The following TNIP3 variants were observed in gnomAD, a reference collection of about 807,000 sequenced individuals.
TNIP3 encodes TNFAIP3-interacting protein 3.
Under a neutral mutation model 54.1 loss-of-function variants are expected in TNIP3, and 34 were observed. The observed-to-expected ratio is 0.63, with a 90% CI of 0.48 to 0.84. The LOEUF (loss-of-function observed/expected upper bound fraction) is 0.84, where lower values mean the gene tolerates loss of function less well. Among genes scored for constraint, TNIP3 ranks in the 40% least tolerant of loss-of-function variants. The probability of loss-of-function intolerance (pLI) is 0.00; values close to 1 mark genes in which losing one functional copy is unlikely to be tolerated. For missense variants in TNIP3, 366 were observed against 387.6 expected (o/e 0.94, Z 0.47); for synonymous variants, 134 against 136.8 (o/e 0.98, Z 0.14).
intron 6 of TNIP3, 112 bp from the exon 7 acceptor site, chr4:121,147,286 A>G: frequency 3.0e-6 from 4 of 1,313,404 alleles, no homozygotes; most frequent in South Asian, 3.3e-5. Context: ...AACCCTCCCA[A>G]CTAGTGTTCA....
chr4:121,195,669 T>C (rs1014587341), intron 2 of TNIP3, among the ~76,000 whole-genome samples: 8 of 152,228 alleles, frequency 5.3e-5, no homozygotes, highest in South Asian at 2.1e-4. Flanking sequence ...CTTTATATGA[T>C]TGACATAAAA....
intron 7 of TNIP3, among the ~76,000 whole-genome samples, chr4:121,146,817 A>G (rs1250910689): frequency 6.6e-6 from 1 of 152,206 alleles, no homozygotes; most frequent in Non-Finnish European, 1.5e-5. Context: ...ATTTTATTAA[A>G]AAAAACTTTG....
intron 2 of TNIP3, among the ~76,000 whole-genome samples, chr4:121,195,782 T>C (rs1725541925): frequency 6.6e-6 from 1 of 152,224 alleles, no homozygotes; most frequent in Non-Finnish European, 1.5e-5. Flanking sequence ...AGCCTGACTA[T>C]AGCTGGCATT....
chr4:121,162,981 C>A (rs1325697016), intron 1 of TNIP3, among the ~76,000 whole-genome samples: 1 of 152,074 alleles, frequency 6.6e-6, no homozygotes, highest in Non-Finnish European at 1.5e-5. Flanking sequence ...TGTTTGTTTC[C>A]CCATAAACAA....
rs550069001 is a variant in TNIP3, at chr4:121,173,389, G to A, written c.190-9243C>T. ...TTTCCAAAATAGAAATTAGTGGTCA[G>A]AAAAGAGAAATTCAGTCTTTAAAAA... On this transcript the variant is annotated intron_variant, in intron 3 of 12. Coordinates refer to the TNIP3 transcript ENST00000507879. Among the ~76,000 whole-genome samples the A allele has an allele frequency of 9.8e-5, 15 of 152,316 alleles. No individual in the cohort carries two copies. In the East Asian group the frequency reaches 2.9e-3, roughly 29 times the overall value.
chr4:121,146,935 G>A (rs1183422142), intron 7 of TNIP3, 114 bp downstream of exon 7: 5 of 1,219,406 alleles, frequency 4.1e-6, no homozygotes, highest in Middle Eastern at 2.1e-4. Context: ...CCCAGGTGCT[G>A]ACCTTTAAAA....
upstream of TNIP3, among the ~76,000 whole-genome samples, chr4:121,168,234 T>G (rs968026032): frequency 6.6e-6 from 1 of 151,832 alleles, no homozygotes; most frequent in East Asian, 1.9e-4. Context: ...TGAGACAGAG[T>G]CTCGCTCTGT....
intron 3 of TNIP3, among the ~76,000 whole-genome samples, chr4:121,172,807 T>G (rs191368841): frequency 1.2e-3 from 190 of 152,250 alleles, no homozygotes; most frequent in African/African-American, 4.3e-3. Context: ...AACACTGAAG[T>G]GACTGAAATT....
chr4:121,153,715 T>G (rs1213252442), intron 5 of TNIP3, among the ~76,000 whole-genome samples: 2 of 152,200 alleles, frequency 1.3e-5, no homozygotes, highest in African/African-American at 2.4e-5. Flanking sequence ...AAATAACATC[T>G]CTGAACACCA....
chr4:121,138,665 G>A lies in TNIP3; in HGVS notation c.905C>T (p.Ala302Val), dbSNP rs1186760957. ...TACATCTGGCGGAAGCTGGTCAAGA[G>A]CATACCACTGATAGTCTGGCTGTGT... Reference protein sequence around the residue: ...REHPPDYQWYALDQLPPDVQH... With the variant: ...REHPPDYQWYVLDQLPPDVQH... The change falls in exon 10 of 11, where the codon GCT becomes GTT. Residue 302 changes from alanine to valine, a missense_variant. Coordinates refer to ENST00000057513, the MANE Select transcript of TNIP3 (RefSeq NM_024873.6). 2 of 1,613,936 alleles carry A rather than the reference G, an allele frequency of 1.2e-6. No homozygotes were observed. Among genetic ancestry groups the A allele is most frequent in the African/African-American group, 2.7e-5 (2 of 75,034 alleles).
At chr4:121,185,531 T>A (rs1470752188) in intron 2 of TNIP3, among the ~76,000 whole-genome samples, 1 of 152,218 alleles carries the variant, frequency 6.6e-6, no homozygotes, top group Non-Finnish European at 1.5e-5. Flanking sequence ...CCTTTGTCTG[T>A]GTTTATTCAC....
intron 10 of TNIP3, among the ~76,000 whole-genome samples, chr4:121,135,508 C>T (rs1219136578): frequency 6.6e-6 from 1 of 152,134 alleles, no homozygotes; most frequent in Non-Finnish European, 1.5e-5. Context: ...TGTGATCCTC[C>T]TACCTTAGTC....
At chr4:121,175,707 A>G (rs1724280885) in intron 3 of TNIP3, among the ~76,000 whole-genome samples, 1 of 152,248 alleles carries the variant, frequency 6.6e-6, no homozygotes. Flanking sequence ...CTTATTTATC[A>G]ACAAGAATGG....
chr4:121,225,250 T>C (rs1233395055), intron 1 of TNIP3, among the ~76,000 whole-genome samples: 9 of 152,202 alleles, frequency 5.9e-5, no homozygotes, highest in Admixed American at 5.9e-4. Context: ...TTTTACATAC[T>C]TAGATTAATC....
intron 7 of TNIP3, among the ~76,000 whole-genome samples, chr4:121,143,412 A>G (rs773430109): frequency 2.0e-5 from 3 of 152,206 alleles, no homozygotes; most frequent in Non-Finnish European, 4.4e-5. Context: ...CATCATTGTC[A>G]TTCCTACACT....
intron 9 of TNIP3, 32 bp from the exon 10 acceptor site, chr4:121,138,716 A>G: frequency 6.3e-7 from 1 of 1,583,234 alleles, no homozygotes. Flanking sequence ...TATTATAGCA[A>G]TATGGACTTC....
At chr4:121,220,253 G>T (rs183846296), upstream of TNIP3, among the ~76,000 whole-genome samples, 1 of 152,298 alleles carries the variant, frequency 6.6e-6, no homozygotes, top group East Asian at 1.9e-4. Context: ...GACTCATGAA[G>T]AATAATACAT....
upstream of TNIP3, among the ~76,000 whole-genome samples, chr4:121,168,200 TTTTC>T (rs1162271277): frequency 3.3e-5 from 5 of 152,060 alleles, no homozygotes; most frequent in Admixed American, 2.6e-4. Context: ...ACTTACCATT[TTTTC>T]TTTCTTTTTT....
intron 2 of TNIP3, among the ~76,000 whole-genome samples, chr4:121,213,427 TA>T: frequency 6.6e-6 from 1 of 151,996 alleles, no homozygotes; most frequent in East Asian, 1.9e-4. Flanking sequence ...CCATTTTTTT[TA>T]AAAAAAGACA....
Sources: allele counts gnomAD v4.1 joint callset (sites outside exome capture counted in the v4.1 genomes callset), GRCh38; gene constraint gnomAD v4.1.1; transcripts MANE v1.5; gene names NCBI Gene and HGNC (gene_info 2026-07-23, HGNC 2026-07-21).